CAPS2: variants seen among roughly 807,000 people sequenced by gnomAD.
CAPS2 encodes calcyphosin-2.
CAPS2 carries 98 observed loss-of-function variants against 86.5 expected under a neutral mutation model. The observed-to-expected ratio is 1.13, with a 90% CI of 0.96 to 1.34. The LOEUF (loss-of-function observed/expected upper bound fraction) is 1.34. CAPS2 is among the 40% of genes most tolerant of loss of function. CAPS2 has a pLI of 0.00. For missense variants in CAPS2, 729 were observed against 686.8 expected, an observed-to-expected ratio of 1.06 and a Z score of -0.69; for synonymous variants, 210 against 225.1, an observed-to-expected ratio of 0.93 and a Z score of 0.60.
At chr12:75,334,702 C>A (rs1426953182), upstream of CAPS2, 1 of 1,600,804 alleles carries the variant, frequency 6.2e-7, no homozygotes, top group Non-Finnish European at 8.5e-7. Flanking sequence ...GCAGTCAGGG[C>A]ATCCTCCGCA....
At chr12:75,290,282 A>G (rs1345667677) in intron 13 of CAPS2, among the ~76,000 whole-genome samples, 2 of 152,192 alleles carry the variant, frequency 1.3e-5, no homozygotes, top group African/African-American at 4.8e-5. Context: ...AAGCTTTTGA[A>G]TTCTATCCTA....
rs137928908 is a variant in CAPS2, at chr12:75,298,872, T to C, written c.949A>G (p.Arg317Gly). ...TTCTAACAATGTTTAATGGCATACC[T>C]ATTTTTCCCAAATTGTCGATATTCA... Residue 317 changes from arginine (R) to glycine (G), a missense_variant and splice_region_variant, in exon 10 of 17, where the codon AGA becomes GGA. Coordinates refer to ENST00000393284, the Ensembl canonical transcript of CAPS2. 4.5e-5 allele frequency: 73 copies of C among 1,606,308 alleles called. No individual in the cohort carries two copies. The highest frequency in any genetic ancestry group is 6.0e-5 in the Non-Finnish European group (70 of 1,174,686).
chr12:75,306,026 C>A lies in CAPS2; in HGVS notation c.660-1150G>T. 2.7e-6 allele frequency: 4 copies of A among 1,467,522 alleles called. 1 individual carries two copies. In the South Asian group the frequency reaches 5.0e-5, roughly 19 times the overall value. The allele number at this position is 1,467,522 out of a possible 1,614,324, so 90.9% of individuals were successfully genotyped here. On this transcript the variant is annotated intron_variant, in intron 7 of 16. Coordinates refer to ENST00000393284, the Ensembl canonical transcript of CAPS2. ...GCTCATGATCCTGAGCCTCATTCTA[C>A]TTGAAGGGCCGCGGCGCCAGAGACA...
chr12:75,358,934 G>A, intron 1 of CAPS2, among the ~76,000 whole-genome samples: 1 of 144,620 alleles, frequency 6.9e-6, no homozygotes, highest in South Asian at 2.1e-4. Context: ...GCATAAAACA[G>A]ATAAATATAT....
upstream of CAPS2, among the ~76,000 whole-genome samples, chr12:75,327,307 T>C (rs2040874770): frequency 1.3e-5 from 2 of 152,170 alleles, no homozygotes; most frequent in South Asian, 4.1e-4. Context: ...ACAAGCAGTA[T>C]TCTTCATCTA....
chr12:75,320,537 T>C (rs1029206466), intron 5 of CAPS2, among the ~76,000 whole-genome samples: 1 of 152,090 alleles, frequency 6.6e-6, no homozygotes, highest in African/African-American at 2.4e-5. Context: ...TTAATTTTGT[T>C]ACTCTTTCAG....
intron 2 of CAPS2, 67 bp from the exon 4 acceptor site, chr12:75,323,289 A>G (rs1473367783): frequency 3.2e-6 from 4 of 1,262,132 alleles, no homozygotes; most frequent in Non-Finnish European, 4.4e-6. Flanking sequence ...CAAATCTTAT[A>G]TGTTACATGT....
At chr12:75,298,249 T>G (rs1170662551) in intron 11 of CAPS2, 1 of 160,346 alleles carries the variant, frequency 6.2e-6, no homozygotes, top group Non-Finnish European at 1.4e-5. Flanking sequence ...AGTGGGAAAA[T>G]CACAAGGAAG....
chr12:75,362,841 C>T (rs1028641420), intron 1 of CAPS2, among the ~76,000 whole-genome samples: 6 of 152,130 alleles, frequency 3.9e-5, no homozygotes, highest in African/African-American at 1.4e-4. Flanking sequence ...GCAACTATCA[C>T]ATGCATAATT....
chr12:75,386,618 G>A, intron 1 of CAPS2, among the ~76,000 whole-genome samples: 1 of 152,088 alleles, frequency 6.6e-6, no homozygotes, highest in African/African-American at 2.4e-5. Context: ...TGTTGTATTG[G>A]GGATTAATTT....
intron 1 of CAPS2, among the ~76,000 whole-genome samples, chr12:75,388,792 G>C (rs2045422383): frequency 1.3e-5 from 2 of 152,004 alleles, no homozygotes; most frequent in Admixed American, 6.6e-5. Context: ...ATGAACTCTG[G>C]GTGGGAATAA....
rs115129716 is a variant in CAPS2, at chr12:75,337,787, A to G, written c.-394-14565T>C. Among the ~76,000 whole-genome samples, 983 of 152,100 alleles carry G rather than the reference A, an allele frequency of 6.5e-3. 14 individuals carry two copies. Among genetic ancestry groups the G allele is most frequent in the African/African-American group, 0.023 (942 of 41,562 alleles). ...TCCTTGAACTTTGCCTAATAAAAGTATTGCTTATTTTTTTATTTCTTTGAT... is the reference window on the plus strand; with the variant it reads ...TCCTTGAACTTTGCCTAATAAAAGTGTTGCTTATTTTTTTATTTCTTTGAT... On this transcript the variant is annotated intron_variant, in intron 1 of 5. Coordinates refer to the CAPS2 transcript ENST00000551829.
chr12:75,296,297 C>CT (rs956853752), intron 11 of CAPS2, among the ~76,000 whole-genome samples: 141 of 144,478 alleles, frequency 9.8e-4, no homozygotes, highest in Admixed American at 8.4e-4. Context: ...TGTGGGTACA[C>CT]TTTTTTTTTT....
exon 17 of CAPS2, chr12:75,278,327 T>C (rs1179175477): frequency 1.1e-4 from 107 of 984,036 alleles, no homozygotes; most frequent in Non-Finnish European, 1.3e-4. Flanking sequence ...TGAAATATTC[T>C]ATATACAGAA....
intron 14 of CAPS2, among the ~76,000 whole-genome samples, chr12:75,288,557 G>A (rs1042094754): frequency 1.3e-5 from 2 of 152,168 alleles, no homozygotes; most frequent in African/African-American, 4.8e-5. Flanking sequence ...AAGATCATTT[G>A]AAGCAAAAGA....
chr12:75,291,002 A>G (rs2035759793), intron 13 of CAPS2, among the ~76,000 whole-genome samples: 1 of 152,056 alleles, frequency 6.6e-6, no homozygotes, highest in African/African-American at 2.4e-5. Context: ...TCCATTTTAT[A>G]CTATGAGATC....
chr12:75,376,761 T>C (rs2044671247), intron 1 of CAPS2, among the ~76,000 whole-genome samples: 1 of 152,190 alleles, frequency 6.6e-6, no homozygotes, highest in Admixed American at 6.5e-5. Context: ...AGATACCTGG[T>C]GAGGCTGAGC....
chr12:75,367,514 CGTCGTGTACCACAGGAAG>C (rs141368111), intron 1 of CAPS2, among the ~76,000 whole-genome samples: 61,479 of 151,700 alleles, frequency 0.41, 12,741 homozygotes, highest in South Asian at 0.55. Context: ...TCCATCTCCA[CGTCGTGTACCACAGGAAG>C]GTCTTGCACA....
chr12:75,330,158 G>A (rs377379204), upstream of CAPS2: 7 of 295,214 alleles, frequency 2.4e-5, no homozygotes, highest in African/African-American at 1.1e-4. Flanking sequence ...TTCGTTCTAC[G>A]CCACCTCCCG....
Sources: gnomAD v4.1 joint callset for allele counts (sites outside exome capture counted in the v4.1 genomes callset) on GRCh38, gnomAD v4.1.1 for gene constraint, MANE v1.5 for transcripts, NCBI Gene and HGNC (gene_info 2026-07-23, HGNC 2026-07-21) for gene names.